Variants in DNMBP observed in about 807,000 individuals in gnomAD.
DNMBP encodes the protein dynamin-binding protein.
Under a neutral mutation model 150.0 loss-of-function variants are expected in DNMBP, and 87 were observed. The ratio of observed to expected loss-of-function variants is 0.58; its 90% confidence interval spans 0.49 to 0.69. The LOEUF (loss-of-function observed/expected upper bound fraction) is 0.69, where lower values mean the gene tolerates loss of function less well. Among genes scored for constraint, DNMBP ranks in the 30% least tolerant of loss-of-function variants. The pLI is 0.00. For missense variants in DNMBP, 1,774 were observed against 1,949.0 expected (o/e 0.91, Z 1.69); for synonymous variants, 711 against 750.4 (o/e 0.95, Z 0.86).
At chr10:99,916,907 CAGA>C (rs1270273496) in intron 4 of DNMBP, among the ~76,000 whole-genome samples, 1 of 152,104 alleles carries the variant, frequency 6.6e-6, no homozygotes, top group African/African-American at 2.4e-5. Context: ...GAGGCTGAGG[CAGA>C]AGAATTGCTT....
intron 12 of DNMBP, 120 bp from the exon 13 acceptor site, chr10:99,886,752 C>G: frequency 1.2e-6 from 1 of 817,954 alleles, no homozygotes; most frequent in Middle Eastern, 3.7e-4. Context: ...TTCTAGTACA[C>G]AAGCTAAACC....
intron 4 of DNMBP, among the ~76,000 whole-genome samples, chr10:99,944,973 C>T (rs1458988145): frequency 2.0e-5 from 3 of 151,970 alleles, no homozygotes; most frequent in Admixed American, 6.6e-5. Context: ...AAAGAACTCC[C>T]GAGGGTAAAT....
At chr10:99,925,071 C>T (rs1199304013) in intron 4 of DNMBP, among the ~76,000 whole-genome samples, 1 of 152,228 alleles carries the variant, frequency 6.6e-6, no homozygotes, top group Non-Finnish European at 1.5e-5. Context: ...CTTTGCACCT[C>T]TGCTGTCTAT....
At chr10:99,919,595 C>T (rs1291266023) in intron 4 of DNMBP, among the ~76,000 whole-genome samples, 1 of 152,212 alleles carries the variant, frequency 6.6e-6, no homozygotes, top group African/African-American at 2.4e-5. Flanking sequence ...GAGTTTGAGA[C>T]CAGCCTGGCC....
chr10:99,914,474 G>T (rs897330325), intron 4 of DNMBP, among the ~76,000 whole-genome samples: 7 of 152,096 alleles, frequency 4.6e-5, no homozygotes, highest in African/African-American at 1.7e-4. Flanking sequence ...GCCTCTTTAT[G>T]CAGTCTTTCA....
chr10:99,901,466 A>G (rs1311239074), intron 6 of DNMBP, among the ~76,000 whole-genome samples: 1 of 152,178 alleles, frequency 6.6e-6, no homozygotes, highest in Admixed American at 6.5e-5. Flanking sequence ...TACTTTAAAT[A>G]AATGCTATAT....
At chr10:99,971,000 G>GAAAAAAAAAAAAAAAAAAAAAAAA (rs1554871865) in intron 2 of DNMBP, among the ~76,000 whole-genome samples, 2 of 112,006 alleles carry the variant, frequency 1.8e-5, no homozygotes, top group East Asian at 2.3e-4. Context: ...AAAAAAAAAG[G>GAAAAAAAAAAAAAAAAAAAAAAAA]AAAGCAGTAG....
chr10:99,881,476 G>A (rs977199722), intron 15 of DNMBP, among the ~76,000 whole-genome samples: 6 of 152,184 alleles, frequency 3.9e-5, no homozygotes, highest in East Asian at 3.8e-4. Context: ...GAGCATCCAC[G>A]TGACAATTTT....
chr10:99,883,192 C>T (rs989828377), intron 15 of DNMBP, among the ~76,000 whole-genome samples: 1 of 132,216 alleles, frequency 7.6e-6, no homozygotes, highest in Non-Finnish European at 1.7e-5. Context: ...AAAGGGATTA[C>T]AGATCAGTAT....
intron 1 of DNMBP, among the ~76,000 whole-genome samples, chr10:99,995,589 C>G (rs1214699000): frequency 1.3e-5 from 2 of 152,166 alleles, no homozygotes; most frequent in Admixed American, 1.3e-4. Context: ...TTGTTTAAGT[C>G]ATGACCAAAC....
At chr10:99,935,245 T>C (rs2040215823) in intron 4 of DNMBP, among the ~76,000 whole-genome samples, 2 of 152,210 alleles carry the variant, frequency 1.3e-5, no homozygotes, top group Admixed American at 6.5e-5. Context: ...TCATCATCAT[T>C]AGCAAATGAA....
rs190039403 is a variant in DNMBP at position 99,964,182 on chromosome 10, G to A, written c.268+4933C>T. ...TTTGGAGACAGAGACTTGCTCTGTC[G>A]CCCAGGCTGCAGTGCAGTGGTGCGA... On this transcript the variant is annotated intron_variant, in intron 3 of 16. Transcript: ENST00000324109. Among the ~76,000 whole-genome samples, 7 of 117,056 alleles carry A rather than the reference G, an allele frequency of 6.0e-5. No individual in the cohort carries two copies. In the East Asian group the frequency reaches 1.0e-3, roughly 17 times the overall value. 76.8% of individuals were successfully genotyped at this position (117,056 alleles called of 152,430 possible). A position where few individuals can be genotyped will look rare whatever the true frequency, so the allele number is the denominator to read the frequency against.
At chr10:99,990,339 G>A (rs1395679649) in intron 1 of DNMBP, among the ~76,000 whole-genome samples, 1 of 152,058 alleles carries the variant, frequency 6.6e-6, no homozygotes, top group African/African-American at 2.4e-5. Context: ...GATGGCTTGA[G>A]CTCAGGAGTT....
Position 99,969,117 on chromosome 10 carries a change from C to T in DNMBP, c.266G>A (p.Arg89Gln), listed in dbSNP as rs777394328. 5 of 1,613,942 alleles carry T rather than the reference C, an allele frequency of 3.1e-6. No homozygotes were observed. The highest frequency in any genetic ancestry group is 2.2e-5 in the East Asian group (1 of 44,872). ...CTACTATTTGATGAGCAGCTTACCT[C>T]GATGGAGGGGAAGATTATCCAACTC... ...SQELDNLPLH[R>Q]GDLVILDGIP... The change falls in exon 3 of 17, where the codon CGA (arginine) becomes CAA (glutamine). Residue 89 changes from arginine (R) to glutamine (Q), a missense_variant and splice_region_variant. Arg to Gln is a conservative substitution (Grantham distance 43, BLOSUM62 1). Coordinates refer to ENST00000324109, the MANE Select transcript of DNMBP (RefSeq NM_015221.4).
chr10:99,933,436 A>G (rs574627934), intron 4 of DNMBP, among the ~76,000 whole-genome samples: 26 of 152,258 alleles, frequency 1.7e-4, no homozygotes, highest in Admixed American at 9.8e-4. Context: ...TAAAATAGCA[A>G]TCCATCAGGT....
chr10:99,963,170 G>A (rs539195345), intron 3 of DNMBP, among the ~76,000 whole-genome samples: 1 of 152,026 alleles, frequency 6.6e-6, no homozygotes, highest in South Asian at 2.1e-4. Context: ...CCAGGCTCAA[G>A]CAATCCTCCT....
At chr10:99,954,301 G>A (rs1026336942) in intron 4 of DNMBP, among the ~76,000 whole-genome samples, 1 of 152,020 alleles carries the variant, frequency 6.6e-6, no homozygotes, top group Non-Finnish European at 1.5e-5. Context: ...GCCTTCCGAA[G>A]TGCTGGGATC....
Position 99,908,949 on chromosome 10 carries a change from C to T in DNMBP, c.2454+4G>A. On this transcript the variant is annotated splice_donor_region_variant and intron_variant, in intron 5 of 16. Coordinates refer to ENST00000324109, the MANE Select transcript of DNMBP (RefSeq NM_015221.4). ...TCAAACTAACTCTGTCTCCCAGTTC[C>T]CACCTGTGCCTGCTGCATGGGTACC... 6.2e-7 allele frequency: 1 copy of T among 1,611,538 alleles called. No homozygotes were observed. The highest frequency in any genetic ancestry group is 8.5e-7 in the Non-Finnish European group (1 of 1,178,424).
At chr10:99,968,489 C>G (rs1266688527) in intron 3 of DNMBP, among the ~76,000 whole-genome samples, 1 of 152,016 alleles carries the variant, frequency 6.6e-6, no homozygotes, top group Non-Finnish European at 1.5e-5. Context: ...GAGTTCGAGA[C>G]CAGCCTGGGC....
Sources: allele counts gnomAD v4.1 joint callset (sites outside exome capture counted in the v4.1 genomes callset), GRCh38; gene constraint gnomAD v4.1.1; transcripts MANE v1.5; gene names NCBI Gene and HGNC (gene_info 2026-07-23, HGNC 2026-07-21).